Variants in MEI4 observed in about 807,000 individuals in gnomAD.
The protein encoded by MEI4 is meiotic double-stranded break formation protein 4.
A neutral mutation model predicts 31.4 loss-of-function variants in MEI4; 27 were observed. The ratio of observed to expected loss-of-function variants is 0.86; its 90% CI spans 0.63 to 1.19. The LOEUF (loss-of-function observed/expected upper bound fraction) is 1.19. Among genes scored for constraint, MEI4 ranks in the 50% most tolerant of loss-of-function variants. MEI4 has a pLI of 0.00. For synonymous variants in MEI4, 122 were observed against 145.4 expected (o/e 0.84, Z 1.16); for missense variants, 329 against 398.9 (o/e 0.82, Z 1.49).
chr6:77,733,823 T>C (rs187578699), intron 2 of MEI4, among the ~76,000 whole-genome samples: 4 of 152,172 alleles, frequency 2.6e-5, no homozygotes, highest in Admixed American at 2.6e-4. Context: ...TTCTGGTATG[T>C]TGTATGTTTG....
chr6:77,830,675 G>A (rs1158538109), intron 4 of MEI4, among the ~76,000 whole-genome samples: 1 of 151,916 alleles, frequency 6.6e-6, no homozygotes, highest in Non-Finnish European at 1.5e-5. Flanking sequence ...TTTAATAATT[G>A]GTGCCAGGAA....
intron 2 of MEI4, among the ~76,000 whole-genome samples, chr6:77,731,843 A>G (rs1423660746): frequency 1.3e-5 from 2 of 152,080 alleles, no homozygotes; most frequent in Admixed American, 1.3e-4. Flanking sequence ...AGCTTTCTAC[A>G]TATGGCTAGC....
Position 77,923,354 on chromosome 6 carries a change from C to T in MEI4, c.*8C>T, listed in dbSNP as rs1766756589. 1 of 1,229,270 alleles carries T rather than the reference C, an allele frequency of 8.1e-7. No homozygotes were observed. Among genetic ancestry groups the T allele is most frequent in the Non-Finnish European group, 1.0e-6 (1 of 985,960 alleles). The allele number at this position is 1,229,270 out of a possible 1,614,324, so 76.1% of individuals were successfully genotyped here. ...GAAACTCTTAGAAAATAACTCCATT[C>T]CTTAGCAATTTACCACGTTTGAAGC... On this transcript the variant is annotated 3_prime_UTR_variant, in exon 5 of 5. Coordinates refer to ENST00000684080, the MANE Select transcript of MEI4 (RefSeq NM_001322247.2).
chr6:77,785,761 G>A (rs1394240538), intron 3 of MEI4, among the ~76,000 whole-genome samples: 1 of 152,068 alleles, frequency 6.6e-6, no homozygotes, highest in Non-Finnish European at 1.5e-5. Context: ...TTTGGCCCCA[G>A]GCTCTTACTT....
At chr6:77,810,516 A>G (rs1402558068) in intron 3 of MEI4, among the ~76,000 whole-genome samples, 1 of 152,212 alleles carries the variant, frequency 6.6e-6, no homozygotes, top group Non-Finnish European at 1.5e-5. Flanking sequence ...CCGGTGCCAG[A>G]AAACAAAAAG....
At chr6:77,890,517 T>G (rs762559699) in intron 4 of MEI4, among the ~76,000 whole-genome samples, 40 of 152,186 alleles carry the variant, frequency 2.6e-4, no homozygotes, top group Non-Finnish European at 4.7e-4. Flanking sequence ...TACAGGCTCA[T>G]AGAGAGAAGT....
intron 2 of MEI4, among the ~76,000 whole-genome samples, chr6:77,701,012 C>G (rs969966302): frequency 6.6e-6 from 1 of 152,182 alleles, no homozygotes; most frequent in African/African-American, 2.4e-5. Flanking sequence ...TGACACATTT[C>G]TCAAAACCTT....
chr6:77,872,143 G>A (rs145624510), intron 4 of MEI4, among the ~76,000 whole-genome samples: 40 of 152,256 alleles, frequency 2.6e-4, no homozygotes, highest in South Asian at 1.5e-3. Flanking sequence ...CCAGGCCACC[G>A]TTTAGAGCCT....
Position 77,925,717 on chromosome 6 carries a change from T to A in MEI4, c.*2371T>A, listed in dbSNP as rs982752879. ...TAAAAATGAAGCAAATAAAAAGTGA[T>A]GATAATTGCTATAACTCTTATACTA... On this transcript the variant is annotated 3_prime_UTR_variant, in exon 5 of 5. Coordinates refer to ENST00000684080, the MANE Select transcript of MEI4 (RefSeq NM_001322247.2). 1 of 150,084 alleles carries A rather than the reference T, an allele frequency of 6.7e-6. No homozygotes were observed. Among genetic ancestry groups the A allele is most frequent in the African/African-American group, 2.4e-5 (1 of 41,104 alleles). 9.3% of individuals were successfully genotyped at this position (150,084 alleles called of 1,614,324 possible).
At chr6:77,870,693 C>T (rs1325366454) in intron 4 of MEI4, among the ~76,000 whole-genome samples, 2 of 92,202 alleles carry the variant, frequency 2.2e-5, no homozygotes, top group Non-Finnish European at 4.1e-5. Context: ...CAAAACTGTA[C>T]TTACATTCTC....
intron 3 of MEI4, among the ~76,000 whole-genome samples, chr6:77,775,833 T>C (rs898208900): frequency 7.2e-5 from 11 of 152,178 alleles, no homozygotes; most frequent in African/African-American, 2.7e-4. Context: ...AACTGTTCTC[T>C]TTTAACTGCA....
At chr6:77,732,483 C>T (rs1767031799) in intron 2 of MEI4, among the ~76,000 whole-genome samples, 1 of 151,962 alleles carries the variant, frequency 6.6e-6, no homozygotes, top group Non-Finnish European at 1.5e-5. Flanking sequence ...GATCTTGTAT[C>T]CTGAGACTTT....
intron 1 of MEI4, among the ~76,000 whole-genome samples, chr6:77,687,582 C>T (rs753971968): frequency 6.6e-6 from 1 of 152,076 alleles, no homozygotes; most frequent in Non-Finnish European, 1.5e-5. Flanking sequence ...GTACTGGGCC[C>T]GTAGGTTACT....
At chr6:77,882,189 G>A (rs923591219) in intron 4 of MEI4, among the ~76,000 whole-genome samples, 3 of 152,150 alleles carry the variant, frequency 2.0e-5, no homozygotes, top group Admixed American at 6.5e-5. Flanking sequence ...AGTGAGGTCT[G>A]GAAGAGTCCT....
At chr6:77,832,641 A>G (rs569798642) in intron 4 of MEI4, among the ~76,000 whole-genome samples, 279 of 152,204 alleles carry the variant, frequency 1.8e-3, no homozygotes, top group African/African-American at 6.3e-3. Flanking sequence ...CCCATTTTAC[A>G]AAAGAGGGCG....
intron 4 of MEI4, among the ~76,000 whole-genome samples, chr6:77,845,762 G>A (rs1454302144): frequency 1.4e-5 from 2 of 142,084 alleles, no homozygotes; most frequent in East Asian, 3.9e-4. Context: ...TTTATTAGAT[G>A]TTCTTCCTGT....
At chr6:77,822,667 T>C (rs1211370694) in intron 3 of MEI4, among the ~76,000 whole-genome samples, 2 of 142,626 alleles carry the variant, frequency 1.4e-5, no homozygotes, top group African/African-American at 5.1e-5. Context: ...TCACCCAGGC[T>C]AGAGTCCAGT....
intron 3 of MEI4, among the ~76,000 whole-genome samples, chr6:77,804,442 G>A (rs181035826): frequency 6.5e-4 from 99 of 152,286 alleles, no homozygotes; most frequent in African/African-American, 1.6e-3. Flanking sequence ...CTCACACTCA[G>A]TGCGCTGCAC....
intron 4 of MEI4, 139 bp downstream of exon 4, chr6:77,829,201 T>A: frequency 1.6e-6 from 1 of 635,054 alleles, no homozygotes; most frequent in Non-Finnish European, 2.3e-6. Context: ...TGAGTAATAT[T>A]ACTGCCTACC....
Sources: allele counts gnomAD v4.1 joint callset (sites outside exome capture counted in the v4.1 genomes callset), GRCh38; gene constraint gnomAD v4.1.1; transcripts MANE v1.5; gene names NCBI Gene and HGNC (gene_info 2026-07-23, HGNC 2026-07-21).